Variants in HTR1D observed in about 807,000 individuals in gnomAD.
The protein encoded by HTR1D is 5-hydroxytryptamine receptor 1D.
HTR1D carries 18 observed loss-of-function variants against 21.1 expected under a neutral mutation model. The observed-to-expected ratio is 0.85, with a 90% CI of 0.59 to 1.27. The LOEUF (loss-of-function observed/expected upper bound fraction) is 1.27, where lower values mean the gene tolerates loss of function less well. Ranked by LOEUF, HTR1D falls within the 50% of genes most tolerant of loss-of-function variation. HTR1D has a pLI of 0.00. For synonymous variants in HTR1D, 196 were observed against 204.4 expected (o/e 0.96, Z 0.35); for missense variants, 456 against 481.4 (o/e 0.95, Z 0.49).
At chr1:23,209,920 G>T (rs1644747513) in intron 1 of HTR1D, among the ~76,000 whole-genome samples, 1 of 152,144 alleles carries the variant, frequency 6.6e-6, no homozygotes, top group African/African-American at 2.4e-5. Context: ...ACTATCACCT[G>T]AGCAGGCCCT....
intron 1 of HTR1D, among the ~76,000 whole-genome samples, chr1:23,200,468 G>C (rs1301100060): frequency 6.6e-6 from 1 of 152,216 alleles, no homozygotes; most frequent in Admixed American, 6.5e-5. Flanking sequence ...AATCTCACAG[G>C]AGTTTGGGGA....
intron 1 of HTR1D, among the ~76,000 whole-genome samples, chr1:23,209,400 C>A (rs1319615203): frequency 6.6e-6 from 1 of 151,436 alleles, no homozygotes; most frequent in Admixed American, 6.6e-5. Context: ...CCTGCTCTAG[C>A]AGTGGCTCTC....
At chr1:23,212,123 A>G (rs1557728745) in intron 1 of HTR1D, among the ~76,000 whole-genome samples, 1 of 152,018 alleles carries the variant, frequency 6.6e-6, no homozygotes, top group Non-Finnish European at 1.5e-5. Flanking sequence ...CAGTTCTGTC[A>G]CTTCCTTGAG....
chr1:23,214,334 G>A (rs557712900), intron 1 of HTR1D, among the ~76,000 whole-genome samples: 154 of 152,192 alleles, frequency 1.0e-3, no homozygotes, highest in Non-Finnish European at 2.0e-3. Flanking sequence ...GGCTGAGGTG[G>A]AAGGATGTCT....
intron 1 of HTR1D, among the ~76,000 whole-genome samples, chr1:23,196,593 A>C (rs1462165568): frequency 6.6e-6 from 1 of 152,044 alleles, no homozygotes; most frequent in Non-Finnish European, 1.5e-5. Flanking sequence ...TAAGCCACCA[A>C]CTCCAAAACA....
At chr1:23,213,062 G>A (rs2148244630) in intron 1 of HTR1D, among the ~76,000 whole-genome samples, 1 of 151,992 alleles carries the variant, frequency 6.6e-6, no homozygotes, top group South Asian at 2.1e-4. Context: ...CTGACCTCAA[G>A]TAATCCACCT....
At chr1:23,207,759 CTTTT>C (rs532795222) in intron 1 of HTR1D, among the ~76,000 whole-genome samples, 1 of 124,882 alleles carries the variant, frequency 8.0e-6, no homozygotes. Context: ...GCAAGAGCCT[CTTTT>C]TTTTTTTTTT....
intron 1 of HTR1D, among the ~76,000 whole-genome samples, chr1:23,204,571 G>A (rs1569762012): frequency 6.6e-6 from 1 of 152,146 alleles, no homozygotes; most frequent in South Asian, 2.1e-4. Flanking sequence ...CTACTGCCCT[G>A]TGCCACCTCT....
rs202033009 is a variant in HTR1D at position 23,193,742 on chromosome 1, C to T, written c.478G>A (p.Ala160Thr). Residue 160 changes from alanine to threonine, a missense_variant, in exon 2 of 2, where the codon GCC becomes ACC. By Grantham distance (58) the Ala-to-Thr change is moderately conservative. Transcript: ENST00000374619. ...CAGATGGAGATGGCCCAGACAATGG[C>T]GATCATGGTGGCCGCGTGGCCAGCC... ...RTAGHAATMI[A>T]IVWAISICIS... 36 of 1,613,952 alleles carry T rather than the reference C, an allele frequency of 2.2e-5. No homozygotes were observed. The highest frequency in any genetic ancestry group is 1.2e-4 in the Admixed American group (7 of 60,004).
At chr1:23,202,259 A>T (rs1164641970) in intron 1 of HTR1D, among the ~76,000 whole-genome samples, 1 of 151,782 alleles carries the variant, frequency 6.6e-6, no homozygotes, top group African/African-American at 2.4e-5. Flanking sequence ...ACCACAACCG[A>T]CTAATTTTTC....
intron 1 of HTR1D, among the ~76,000 whole-genome samples, chr1:23,211,270 G>A (rs756114221): frequency 6.6e-6 from 1 of 152,118 alleles, no homozygotes; most frequent in Admixed American, 6.5e-5. Context: ...ATGCAGATGT[G>A]GACTCTCCTC....
At chr1:23,210,665 T>C (rs973504936) in intron 1 of HTR1D, among the ~76,000 whole-genome samples, 1 of 151,940 alleles carries the variant, frequency 6.6e-6, no homozygotes, top group African/African-American at 2.4e-5. Flanking sequence ...GAATTTGAGA[T>C]GAAAGAGAGA....
chr1:23,209,374 A>G (rs531101842), intron 1 of HTR1D, among the ~76,000 whole-genome samples: 7 of 151,148 alleles, frequency 4.6e-5, no homozygotes, highest in African/African-American at 1.5e-4. Context: ...CTCTTGTTAT[A>G]TTTCTATTGG....
At chr1:23,210,551 G>A (rs966114017) in intron 1 of HTR1D, among the ~76,000 whole-genome samples, 5 of 152,174 alleles carry the variant, frequency 3.3e-5, no homozygotes, top group African/African-American at 7.2e-5. Flanking sequence ...ATTGGGCTCA[G>A]AGAGGGCAAG....
Position 23,194,214 on chromosome 1 carries a change from G to T in HTR1D, c.6C>A (p.Ser2=), listed in dbSNP as rs774791897. The part of the protein sequence containing the change: M[S]PLNQSAEGLP... ...GGCCTTCTGCTGACTGGTTCAGTGG[G>T]GACATGCTAGGTGGCTCTCTCTTCC... is the stretch of plus-strand genomic sequence containing the variant. The change falls in exon 2 of 2, where the codon TCC becomes TCA. Residue 2 remains serine (S), a synonymous_variant. Transcript: ENST00000374619. 6.2e-7 allele frequency: 1 copy of T among 1,611,632 alleles called. No individual in the cohort carries two copies. The highest frequency in any genetic ancestry group is 1.7e-5 in the Admixed American group (1 of 59,668).
At position 23,193,237 on chromosome 1, in the gene HTR1D, C is replaced by T. The variant is rs759947697; in HGVS notation, c.983G>A (p.Arg328Gln). Residue 328 changes from arginine to glutamine, a missense_variant, in exon 2 of 2, where the codon CGG becomes CAG. By Grantham distance (43) the Arg-to-Gln change is conservative. Transcript: ENST00000374619. ...CGCCGGGTGGATCCAGCAGGAGTCC[C>T]GGCAGATGGGGAGGACCAGAGACAC... ...FVVSLVLPIC[R>Q]DSCWIHPALF... The T allele has an allele frequency of 4.1e-5, 66 of 1,613,946 alleles. 2 individuals are homozygous for T. The highest frequency in any genetic ancestry group is 1.6e-4 in the Middle Eastern group (1 of 6,084).
At position 23,198,222 on chromosome 1, in the gene HTR1D, CG is replaced by C. The variant is rs536325611; in HGVS notation, c.-782-3222del. Among the ~76,000 whole-genome samples the C allele has an allele frequency of 8.3e-3, 1,219 of 146,386 alleles. 10 individuals carry two copies. Among genetic ancestry groups the C allele is most frequent in the African/African-American group, 0.017 (664 of 39,376 alleles). ...AAAATACAAAAAAAAAAAAATTAGC[CG>C]GGCACAGTGGTGGGCGCCTGTAGTC... On this transcript the variant is annotated intron_variant, in intron 1 of 1. Coordinates refer to ENST00000374619, the MANE Select transcript of HTR1D (RefSeq NM_000864.5).
chr1:23,203,296 T>C (rs748512948), intron 1 of HTR1D, among the ~76,000 whole-genome samples: 10 of 152,142 alleles, frequency 6.6e-5, no homozygotes, highest in Non-Finnish European at 1.3e-4. Context: ...TGAGTGCCAG[T>C]TTTAAAATCT....
intron 1 of HTR1D, among the ~76,000 whole-genome samples, chr1:23,200,032 T>TATATTA (rs1644704050): frequency 6.6e-6 from 1 of 152,146 alleles, no homozygotes; most frequent in Non-Finnish European, 1.5e-5. Context: ...TCAATCTATT[T>TATATTA]TGTATATTAT....
Sources: gnomAD v4.1 joint callset for allele counts (sites outside exome capture counted in the v4.1 genomes callset) on GRCh38, gnomAD v4.1.1 for gene constraint, MANE v1.5 for transcripts, NCBI Gene and HGNC (gene_info 2026-07-23, HGNC 2026-07-21) for gene names.